The following MIPEP variants were observed in gnomAD, a reference collection of about 807,000 sequenced individuals.
MIPEP encodes mitochondrial intermediate peptidase.
MIPEP carries 79 observed loss-of-function variants against 90.3 expected under a neutral mutation model. The observed-to-expected ratio is 0.87, with a 90% CI of 0.73 to 1.05. MIPEP has a LOEUF of 1.05. MIPEP is among the 50% of genes least tolerant of loss of function. The pLI is 0.00. For missense variants in MIPEP, 940 were observed against 905.6 expected, an observed-to-expected ratio of 1.04 and a Z score of -0.49; for synonymous variants, 334 against 315.8, an observed-to-expected ratio of 1.06 and a Z score of -0.61.
intron 14 of MIPEP, among the ~76,000 whole-genome samples, chr13:23,812,353 C>T (rs1180074347): frequency 6.6e-6 from 1 of 151,964 alleles, no homozygotes. Flanking sequence ...GAAGAAACAG[C>T]ACATGCAAAG....
chr13:23,790,830 G>T (rs1952890696), intron 16 of MIPEP, among the ~76,000 whole-genome samples: 2 of 152,172 alleles, frequency 1.3e-5, no homozygotes, highest in Non-Finnish European at 2.9e-5. Context: ...ATTTGTTACA[G>T]CAACAATAGG....
intron 4 of MIPEP, among the ~76,000 whole-genome samples, chr13:23,877,832 G>C (rs1871130811): frequency 6.6e-6 from 1 of 152,112 alleles, no homozygotes; most frequent in African/African-American, 2.4e-5. Context: ...ATATCTAAGT[G>C]CCACGATACT....
chr13:23,794,661 GAGA>G (rs1269279408), intron 16 of MIPEP, among the ~76,000 whole-genome samples: 2 of 151,740 alleles, frequency 1.3e-5, no homozygotes, highest in Non-Finnish European at 2.9e-5. Context: ...ATTGCAGGCC[GAGA>G]AGAAAAAAAG....
chr13:23,761,460 A>G (rs1952542013), intron 16 of MIPEP, among the ~76,000 whole-genome samples: 1 of 152,194 alleles, frequency 6.6e-6, no homozygotes, highest in South Asian at 2.1e-4. Context: ...GGAGTCTGGC[A>G]CAGAGAGAGA....
In MIPEP at chr13:23,853,265, A is replaced by T. The variant is rs570464144; in HGVS notation, c.1106+5595T>A. Among the ~76,000 whole-genome samples, 11 of 152,160 alleles carry T rather than the reference A, an allele frequency of 7.2e-5. 1 individual carries two copies. The South Asian group carries it at 1.0e-3, about 14-fold the overall frequency. On this transcript the variant is annotated intron_variant, in intron 10 of 18. Coordinates refer to ENST00000382172, the MANE Select transcript of MIPEP (RefSeq NM_005932.4). The stretch of plus-strand genomic sequence containing the variant: ...CACACTCACCACCACTCACTCACAG[A>T]CTCACCCAGAGCAACTTCCAGTCCT...
chr13:23,785,078 T>C (rs1394832442), intron 16 of MIPEP, among the ~76,000 whole-genome samples: 2 of 152,228 alleles, frequency 1.3e-5, no homozygotes, highest in South Asian at 2.1e-4. Flanking sequence ...GAAGACAGTA[T>C]GGCGATTCCT....
intron 2 of MIPEP, among the ~76,000 whole-genome samples, chr13:23,885,407 A>G (rs961694120): frequency 1.3e-5 from 2 of 152,178 alleles, no homozygotes; most frequent in African/African-American, 4.8e-5. Context: ...TACAGTCAAT[A>G]ATAATTTAAT....
chr13:23,889,013 T>C (rs780924890), intron 1 of MIPEP, 119 bp downstream of exon 1: 4 of 959,770 alleles, frequency 4.2e-6, no homozygotes, highest in Non-Finnish European at 5.6e-6. Context: ...CTGTAAAAGG[T>C]GGGTTCGCTG....
intron 16 of MIPEP, among the ~76,000 whole-genome samples, chr13:23,794,748 C>T (rs1165496285): frequency 2.0e-5 from 3 of 152,000 alleles, no homozygotes; most frequent in Admixed American, 1.3e-4. Context: ...ATTAAAAAAA[C>T]AACCGGGTAG....
intron 16 of MIPEP, among the ~76,000 whole-genome samples, chr13:23,762,436 C>G (rs576115921): frequency 2.2e-4 from 33 of 152,322 alleles, no homozygotes; most frequent in African/African-American, 7.2e-4. Flanking sequence ...GTCCGATTCT[C>G]CAAGACAACT....
intron 6 of MIPEP, 80 bp downstream of exon 6, chr13:23,869,933 T>C (rs1870709942): frequency 8.3e-7 from 1 of 1,201,032 alleles, no homozygotes; most frequent in Non-Finnish European, 1.1e-6. Context: ...GATACTATTA[T>C]ATTATCACTG....
chr13:23,756,731 T>G, intron 17 of MIPEP, 113 bp from the exon 18 acceptor site: 3 of 953,120 alleles, frequency 3.1e-6, no homozygotes, highest in Non-Finnish European at 4.7e-6. Flanking sequence ...GCTGCCACCA[T>G]GTGACAATTT....
rs1869034829 is a variant in MIPEP, at chr13:23,836,247, G to C, written c.1646C>G (p.Thr549Ser). The change falls in exon 14 of 19, where the codon ACT becomes AGT. Residue 549 changes from threonine (T) to serine (S), a missense_variant. Thr to Ser is a moderately conservative substitution (Grantham distance 58, BLOSUM62 1). Coordinates refer to ENST00000382172, the MANE Select transcript of MIPEP (RefSeq NM_005932.4). ...VVNQFARHYQ[T>S]GQPLPKNMVS... ...CAATATTACTGTTCCTACCTGTCCA[G>C]TCTGATAATGTCTGGCAAATTGGTT... 1 of 1,592,482 alleles carries C rather than the reference G, an allele frequency of 6.3e-7. No individual in the cohort carries two copies. Among genetic ancestry groups the C allele is most frequent in the African/African-American group, 1.4e-5 (1 of 73,926 alleles).
At chr13:23,875,945 C>T (rs1034077441) in intron 4 of MIPEP, among the ~76,000 whole-genome samples, 4 of 152,090 alleles carry the variant, frequency 2.6e-5, no homozygotes, top group South Asian at 2.1e-4. Context: ...TGTCTTTAAA[C>T]GTTCTTCAAA....
chr13:23,758,251 A>G (rs934187786), intron 17 of MIPEP, among the ~76,000 whole-genome samples: 3 of 152,146 alleles, frequency 2.0e-5, no homozygotes, highest in African/African-American at 4.8e-5. Flanking sequence ...ACAGGCCTCT[A>G]GCTCCTGGCT....
At chr13:23,837,245 C>T (rs963006479) in intron 13 of MIPEP, among the ~76,000 whole-genome samples, 12 of 152,118 alleles carry the variant, frequency 7.9e-5, no homozygotes, top group African/African-American at 1.9e-4. Context: ...TAAGGAGATA[C>T]GTTTTTATTC....
intron 16 of MIPEP, among the ~76,000 whole-genome samples, chr13:23,793,703 G>A (rs1952924710): frequency 6.6e-6 from 1 of 151,886 alleles, no homozygotes; most frequent in South Asian, 2.1e-4. Context: ...ATTATAAACT[G>A]AGATGACCCA....
At chr13:23,786,394 G>A (rs1022797430) in intron 16 of MIPEP, among the ~76,000 whole-genome samples, 11 of 151,904 alleles carry the variant, frequency 7.2e-5, no homozygotes, top group African/African-American at 2.7e-4. Context: ...AAGCATAACA[G>A]GAAACGGAAA....
rs73450205 is a variant in MIPEP at position 23,796,722 on chromosome 13, G to A, written c.1848+9228C>T. ...AAGAGGCATGTTTGAAAGTTAATCC[G>A]GATGAGCACACTATGTAAACAACAG... On this transcript the variant is annotated intron_variant, in intron 16 of 18. Coordinates refer to ENST00000382172, the MANE Select transcript of MIPEP (RefSeq NM_005932.4). 7.0e-3 allele frequency among the ~76,000 whole-genome samples: 1,063 copies of A among 152,176 alleles called. 16 individuals carry two copies. Among genetic ancestry groups the A allele is most frequent in the African/African-American group, 0.024 (989 of 41,510 alleles).
Sources: gnomAD v4.1 joint callset for allele counts (sites outside exome capture counted in the v4.1 genomes callset) on GRCh38, gnomAD v4.1.1 for gene constraint, MANE v1.5 for transcripts, NCBI Gene and HGNC (gene_info 2026-07-23, HGNC 2026-07-21) for gene names.